SEMA5A: variants seen among roughly 807,000 people sequenced by gnomAD.
SEMA5A encodes semaphorin 5A.
Under a neutral mutation model 135.5 loss-of-function variants are expected in SEMA5A, and 55 were observed. That is an observed-to-expected ratio of 0.41 (90% CI 0.33 to 0.51). The LOEUF (loss-of-function observed/expected upper bound fraction) is 0.51. Ranked by LOEUF, SEMA5A falls within the 20% of genes least tolerant of loss-of-function variation. The pLI is 0.37. For synonymous variants in SEMA5A, 580 were observed against 546.5 expected, an observed-to-expected ratio of 1.06 and a Z score of -0.85; for missense variants, 1,290 against 1,419.9, an observed-to-expected ratio of 0.91 and a Z score of 1.47.
rs1017397563 is a variant in SEMA5A at position 9,534,782 on chromosome 5, A to G, written c.-175+10802T>C. ...GTTTAGAATTTTATTTGGGGTTTAC[A>G]TTGGGCAAGTCAGTCTTCTCCTCTA... is the stretch of plus-strand genomic sequence containing the variant. On this transcript the variant is annotated intron_variant, in intron 1 of 22. Coordinates refer to ENST00000382496, the MANE Select transcript of SEMA5A (RefSeq NM_003966.3). 5.9e-5 allele frequency among the ~76,000 whole-genome samples: 9 copies of G among 152,344 alleles called. No individual in the cohort carries two copies. The East Asian group carries it at 1.2e-3, about 20-fold the overall frequency.
intron 18 of SEMA5A, among the ~76,000 whole-genome samples, chr5:9,059,446 T>C (rs1174611844): frequency 1.3e-5 from 2 of 152,252 alleles, no homozygotes; most frequent in African/African-American, 4.8e-5. Flanking sequence ...TATTTCAGCA[T>C]GGGCTTGACT....
At chr5:9,386,134 G>C (rs1056484039) in intron 2 of SEMA5A, among the ~76,000 whole-genome samples, 9 of 152,072 alleles carry the variant, frequency 5.9e-5, no homozygotes, top group African/African-American at 2.2e-4. Flanking sequence ...TTTTGCATTT[G>C]TTCTTTCCAT....
intron 16 of SEMA5A, among the ~76,000 whole-genome samples, chr5:9,086,709 T>G (rs1285071786): frequency 6.6e-6 from 1 of 152,196 alleles, no homozygotes; most frequent in Non-Finnish European, 1.5e-5. Flanking sequence ...GCAGAATAAA[T>G]GTGTTTTCTC....
chr5:9,491,310 T>C (rs1222262691), intron 1 of SEMA5A, among the ~76,000 whole-genome samples: 1 of 152,098 alleles, frequency 6.6e-6, no homozygotes, highest in Non-Finnish European at 1.5e-5. Flanking sequence ...TGATGTTCTA[T>C]TGGTGGATGC....
At chr5:9,126,103 T>C (rs1741096733) in intron 13 of SEMA5A, among the ~76,000 whole-genome samples, 2 of 152,146 alleles carry the variant, frequency 1.3e-5, no homozygotes, top group Admixed American at 6.5e-5. Context: ...ATTTGCATCA[T>C]AGTTACACAA....
At chr5:9,344,857 G>T (rs867434505) in intron 3 of SEMA5A, among the ~76,000 whole-genome samples, 2 of 152,156 alleles carry the variant, frequency 1.3e-5, no homozygotes, top group Admixed American at 6.5e-5. Context: ...TTACAGCAGG[G>T]CATGACATTA....
At chr5:9,048,599 ATAGAG>A (rs1561100208) in intron 21 of SEMA5A, among the ~76,000 whole-genome samples, 1 of 152,122 alleles carries the variant, frequency 6.6e-6, no homozygotes, top group South Asian at 2.1e-4. Context: ...GTCACGTAAT[ATAGAG>A]TAAAGGCCCC....
chr5:9,215,247 A>C (rs1411579463), intron 8 of SEMA5A, among the ~76,000 whole-genome samples: 2 of 152,222 alleles, frequency 1.3e-5, no homozygotes, highest in Non-Finnish European at 2.9e-5. Context: ...GCAGTAGAAG[A>C]AAGAGCATTA....
chr5:9,043,352 T>A (rs1478692377), intron 22 of SEMA5A: 1 of 224,698 alleles, frequency 4.5e-6, no homozygotes, highest in African/African-American at 2.3e-5. Context: ...ACTTTGACTG[T>A]AACTGAATAT....
At chr5:9,156,131 G>A (rs185780478) in intron 11 of SEMA5A, among the ~76,000 whole-genome samples, 1 of 152,172 alleles carries the variant, frequency 6.6e-6, no homozygotes, top group Admixed American at 6.5e-5. Context: ...AAGAGAAAGG[G>A]GCAGCTGTGG....
chr5:9,222,246 T>G (rs1326153082), intron 8 of SEMA5A, among the ~76,000 whole-genome samples: 1 of 152,124 alleles, frequency 6.6e-6, no homozygotes, highest in Non-Finnish European at 1.5e-5. Context: ...GAACCTAGTG[T>G]GGTTAGAGAC....
chr5:9,219,590 G>C (rs1490453093), intron 8 of SEMA5A, among the ~76,000 whole-genome samples: 1 of 152,202 alleles, frequency 6.6e-6, no homozygotes, highest in African/African-American at 2.4e-5. Flanking sequence ...GGCATGGACA[G>C]AGGGAAGACC....
chr5:9,395,461 G>A (rs1756349328), intron 2 of SEMA5A, among the ~76,000 whole-genome samples: 1 of 152,126 alleles, frequency 6.6e-6, no homozygotes, highest in African/African-American at 2.4e-5. Flanking sequence ...ACTGGAACCT[G>A]CTACCTCTTA....
intron 11 of SEMA5A, among the ~76,000 whole-genome samples, chr5:9,185,944 G>A (rs113770371): frequency 2.9e-4 from 44 of 152,260 alleles, no homozygotes; most frequent in African/African-American, 1.0e-3. Context: ...TCACAGTGGT[G>A]GGGAAGAGCC....
At chr5:9,253,301 T>C (rs1348347109) in intron 5 of SEMA5A, among the ~76,000 whole-genome samples, 2 of 152,178 alleles carry the variant, frequency 1.3e-5, no homozygotes, top group African/African-American at 2.4e-5. Context: ...CTTTCTTCCA[T>C]ACATGTCTAT....
chr5:9,474,982 C>T (rs543891899), intron 1 of SEMA5A, among the ~76,000 whole-genome samples: 5 of 152,348 alleles, frequency 3.3e-5, no homozygotes, highest in African/African-American at 1.2e-4. Context: ...CTCACTGTCA[C>T]CCAGGCTGGA....
At chr5:9,146,664 T>A (rs942633609) in intron 12 of SEMA5A, among the ~76,000 whole-genome samples, 4 of 152,198 alleles carry the variant, frequency 2.6e-5, no homozygotes, top group South Asian at 2.1e-4. Context: ...TGACAGCAGG[T>A]GATTTTACTT....
chr5:9,065,516 C>T (rs1000624818), intron 17 of SEMA5A, among the ~76,000 whole-genome samples: 2 of 152,194 alleles, frequency 1.3e-5, no homozygotes, highest in African/African-American at 2.4e-5. Context: ...GCTGTCCTTT[C>T]GTGTTGGGAG....
At chr5:9,118,154 TATAAACCTGCTAC>T (rs1740620272) in intron 15 of SEMA5A, among the ~76,000 whole-genome samples, 1 of 152,218 alleles carries the variant, frequency 6.6e-6, no homozygotes, top group African/African-American at 2.4e-5. Context: ...TGTCATCAAA[TATAAACCTGCTAC>T]ATTTTAATTA....
Sources: gnomAD v4.1 joint callset for allele counts (sites outside exome capture counted in the v4.1 genomes callset) on GRCh38, gnomAD v4.1.1 for gene constraint, MANE v1.5 for transcripts, NCBI Gene and HGNC (gene_info 2026-07-23, HGNC 2026-07-21) for gene names.